The following SCARB2 variants were observed in gnomAD, a reference collection of about 807,000 sequenced individuals.
SCARB2 encodes the protein scavenger receptor class B member 2.
In SCARB2, 29 loss-of-function variants were observed where a neutral mutation model predicts 58.6. The ratio of observed to expected loss-of-function variants is 0.49; its 90% CI spans 0.37 to 0.67. SCARB2 has a LOEUF of 0.67. Among genes scored for constraint, SCARB2 ranks in the 30% least tolerant of loss-of-function variants. The pLI, the probability that SCARB2 is intolerant of heterozygous loss-of-function variation, is 0.00. For synonymous variants in SCARB2, 195 were observed against 210.1 expected, an observed-to-expected ratio of 0.93 and a Z score of 0.62; for missense variants, 488 against 578.5, an observed-to-expected ratio of 0.84 and a Z score of 1.60.
At chr4:76,188,389 T>C (rs1224562543) in intron 2 of SCARB2, among the ~76,000 whole-genome samples, 4 of 152,212 alleles carry the variant, frequency 2.6e-5, no homozygotes, top group Non-Finnish European at 4.4e-5. Context: ...TTATCAACAT[T>C]TGGAATGCCC....
At chr4:76,202,976 C>G (rs1732860394) in intron 1 of SCARB2, among the ~76,000 whole-genome samples, 1 of 152,062 alleles carries the variant, frequency 6.6e-6, no homozygotes, top group East Asian at 1.9e-4. Flanking sequence ...ATATATTTGT[C>G]CAAATTAGTG....
At chr4:76,198,742 C>A (rs915523768) in intron 1 of SCARB2, among the ~76,000 whole-genome samples, 2 of 152,114 alleles carry the variant, frequency 1.3e-5, no homozygotes, top group African/African-American at 4.8e-5. Context: ...GCTTTTCCTG[C>A]TGCTTTCATA....
At chr4:76,206,848 G>A (rs1245526040) in intron 1 of SCARB2, among the ~76,000 whole-genome samples, 1 of 151,982 alleles carries the variant, frequency 6.6e-6, no homozygotes, top group Non-Finnish European at 1.5e-5. Context: ...TTGTGGAACT[G>A]GAATTACTGA....
intron 1 of SCARB2, among the ~76,000 whole-genome samples, chr4:76,210,166 G>T (rs1489437928): frequency 6.6e-6 from 1 of 152,166 alleles, no homozygotes; most frequent in Non-Finnish European, 1.5e-5. Context: ...GTGCTTTATA[G>T]ATATCATATT....
chr4:76,196,774 GGA>G (rs1235542665), intron 1 of SCARB2, among the ~76,000 whole-genome samples: 18 of 152,264 alleles, frequency 1.2e-4, no homozygotes, highest in Admixed American at 1.2e-3. Context: ...AGCTGACAAT[GGA>G]GACTGCACTC....
rs547163450 is a variant in SCARB2 at position 76,219,303 on chromosome 4, C to T, written c.-358+15000G>A. 4.6e-5 allele frequency among the ~76,000 whole-genome samples: 7 copies of T among 152,268 alleles called. No homozygotes were observed. The South Asian group carries it at 1.2e-3, about 27-fold the overall frequency. On this transcript the variant is annotated intron_variant, in intron 1 of 11. Coordinates refer to the SCARB2 transcript ENST00000638295. ...AGAATGGAGAGCCAGGAAGGAGTTG[C>T]CAGTCCGGTGGCCAAAAATATACTT...
intron 9 of SCARB2, 83 bp from the exon 10 acceptor site, chr4:76,166,384 G>A (rs1578714208): frequency 3.7e-6 from 5 of 1,353,982 alleles, no homozygotes; most frequent in South Asian, 1.2e-5. Context: ...TTTATATGAA[G>A]ATTCTAGTAC....
At chr4:76,225,701 G>A (rs535950982) in intron 1 of SCARB2, among the ~76,000 whole-genome samples, 4 of 152,272 alleles carry the variant, frequency 2.6e-5, no homozygotes, top group African/African-American at 9.6e-5. Flanking sequence ...ATTGACTTGC[G>A]TAAGTTAAAC....
intron 8 of SCARB2, among the ~76,000 whole-genome samples, chr4:76,169,201 G>T (rs182858928): frequency 6.6e-6 from 1 of 151,750 alleles, no homozygotes; most frequent in Non-Finnish European, 1.5e-5. Context: ...TGTGCTAAAA[G>T]AATGTTCTTG....
intron 2 of SCARB2, among the ~76,000 whole-genome samples, chr4:76,190,957 T>A (rs746142642): frequency 1.3e-5 from 2 of 152,158 alleles, no homozygotes; most frequent in East Asian, 3.8e-4. Flanking sequence ...TCAAAGACAG[T>A]ATAAAAAAAG....
intron 2 of SCARB2, among the ~76,000 whole-genome samples, chr4:76,182,149 G>C (rs956045766): frequency 1.3e-5 from 2 of 152,264 alleles, no homozygotes; most frequent in African/African-American, 4.8e-5. Context: ...AGCCCTGCCT[G>C]GTACATAGTA....
chr4:76,187,364 T>C (rs563309320), intron 2 of SCARB2, among the ~76,000 whole-genome samples: 2 of 151,818 alleles, frequency 1.3e-5, no homozygotes, highest in Non-Finnish European at 2.9e-5. Flanking sequence ...GATAAGCAAA[T>C]GGACAAAGGA....
rs368739355 is a variant in SCARB2 at position 76,163,222 on chromosome 4, C to T, written c.1398+3G>A. 2 of 1,614,058 alleles carry T rather than the reference C, an allele frequency of 1.2e-6. No homozygotes were observed. The highest frequency in any genetic ancestry group is 1.7e-6 in the Non-Finnish European group (2 of 1,180,032). On this transcript the variant is annotated splice_donor_region_variant and intron_variant, in intron 11 of 11. Transcript: ENST00000264896. The stretch of plus-strand genomic sequence containing the variant: ...GGAAGAAGTTCCTTCAGCCAGTTCT[C>T]ACCTCATCCATGGATCCCTGTCCTT...
At chr4:76,233,584 A>G (rs1333325123) in intron 1 of SCARB2, among the ~76,000 whole-genome samples, 2 of 15,778 alleles carry the variant, frequency 1.3e-4, no homozygotes, top group African/African-American at 2.1e-4. Flanking sequence ...ACACACACAC[A>G]CGCACACACA....
intron 10 of SCARB2, 172 bp downstream of exon 10, chr4:76,166,078 C>A: frequency 1.4e-6 from 1 of 737,230 alleles, no homozygotes; most frequent in Non-Finnish European, 2.4e-6. Flanking sequence ...AATCAGCTCT[C>A]AGACACAGGC....
chr4:76,217,798 G>A (rs1178566161), upstream of SCARB2: 1 of 406,398 alleles, frequency 2.5e-6, no homozygotes. Context: ...CTTTATCTGA[G>A]AAGAACAAGT....
intron 1 of SCARB2, among the ~76,000 whole-genome samples, chr4:76,232,897 A>G (rs1733517250): frequency 6.6e-6 from 1 of 152,250 alleles, no homozygotes. Flanking sequence ...GAAATTTTAA[A>G]GCAGCAAAAA....
At chr4:76,208,236 A>G (rs1170899128) in intron 1 of SCARB2, among the ~76,000 whole-genome samples, 1 of 152,220 alleles carries the variant, frequency 6.6e-6, no homozygotes, top group Non-Finnish European at 1.5e-5. Flanking sequence ...TATTGTCTTA[A>G]TCATTAATAA....
upstream of SCARB2, among the ~76,000 whole-genome samples, chr4:76,215,029 A>C (rs1434842127): frequency 2.0e-5 from 3 of 152,250 alleles, no homozygotes. Flanking sequence ...GGCTTGTCCC[A>C]GAAGTCTGGC....
Sources: gnomAD v4.1 joint callset for allele counts (sites outside exome capture counted in the v4.1 genomes callset) on GRCh38, gnomAD v4.1.1 for gene constraint, MANE v1.5 for transcripts, NCBI Gene and HGNC (gene_info 2026-07-23, HGNC 2026-07-21) for gene names.